The following THSD4 variants were observed in gnomAD, a reference collection of about 807,000 sequenced individuals.
The protein encoded by THSD4 is thrombospondin type 1 domain containing 4, also known as thrombospondin type-1 domain-containing protein 4.
THSD4 carries 69 observed loss-of-function variants against 119.0 expected under a neutral mutation model. That is an observed-to-expected ratio of 0.58 (90% CI 0.48 to 0.71). The LOEUF (loss-of-function observed/expected upper bound fraction) is 0.71, where lower values mean the gene tolerates loss of function less well. Among genes scored for constraint, THSD4 ranks in the 30% least tolerant of loss-of-function variants. The pLI, the probability that THSD4 is intolerant of heterozygous loss-of-function variation, is 0.00. For missense variants in THSD4, 1,393 were observed against 1,391.1 expected (o/e 1.00, Z -0.02); for synonymous variants, 524 against 540.4 (o/e 0.97, Z 0.42).
chr15:71,652,933 GTA>G (rs1255872907), intron 7 of THSD4, among the ~76,000 whole-genome samples: 1 of 152,122 alleles, frequency 6.6e-6, no homozygotes, highest in East Asian at 1.9e-4. Flanking sequence ...TTAATTTTGT[GTA>G]TATACAGCAA....
chr15:71,651,953 C>T (rs915397084), intron 7 of THSD4, among the ~76,000 whole-genome samples: 1 of 152,224 alleles, frequency 6.6e-6, no homozygotes, highest in South Asian at 2.1e-4. Context: ...CGTGAATCTC[C>T]ATCATTGCCT....
chr15:71,641,421 G>A (rs2050856233), intron 7 of THSD4, among the ~76,000 whole-genome samples: 2 of 151,992 alleles, frequency 1.3e-5, no homozygotes, highest in South Asian at 2.1e-4. Context: ...TTACACCATT[G>A]TTAACAACAA....
intron 5 of THSD4, among the ~76,000 whole-genome samples, chr15:71,245,275 A>T (rs892686366): frequency 6.6e-6 from 1 of 152,070 alleles, no homozygotes; most frequent in South Asian, 2.1e-4. Context: ...TTCCAAGTCC[A>T]CATCCTGCTT....
chr15:71,503,383 C>G (rs2048140157), intron 7 of THSD4, among the ~76,000 whole-genome samples: 2 of 152,086 alleles, frequency 1.3e-5, no homozygotes, highest in Non-Finnish European at 2.9e-5. Context: ...GGTTTTATTC[C>G]TCAGGGAGCA....
chr15:71,707,961 C>T lies in THSD4; in HGVS notation c.1358-20588C>T, dbSNP rs146721597. 3.4e-3 allele frequency among the ~76,000 whole-genome samples: 524 copies of T among 152,294 alleles called. 4 individuals carry two copies. The highest frequency in any genetic ancestry group is 0.012 in the African/African-American group (490 of 41,556). On this transcript the variant is annotated intron_variant, in intron 8 of 17. Transcript: ENST00000261862. ...TATATTCTTGGAGCCTCTTAAAATC[C>T]AGTTTGCTCTGGTTTTTGGTTCTGC... is the stretch of plus-strand genomic sequence containing the variant.
chr15:71,625,164 C>G (rs2050485152), intron 7 of THSD4, among the ~76,000 whole-genome samples: 1 of 152,074 alleles, frequency 6.6e-6, no homozygotes, highest in African/African-American at 2.4e-5. Context: ...GCACTACCAC[C>G]CCCCGGCTAA....
At chr15:71,776,700 T>A (rs921504221) in intron 17 of THSD4, among the ~76,000 whole-genome samples, 2 of 151,880 alleles carry the variant, frequency 1.3e-5, no homozygotes, top group African/African-American at 2.4e-5. Context: ...AAAAAAAAAA[T>A]TGGATTAATG....
chr15:71,648,068 G>A lies in THSD4; in HGVS notation c.1153-12462G>A, dbSNP rs546603018. Among the ~76,000 whole-genome samples the A allele has an allele frequency of 7.9e-5, 12 of 152,274 alleles. No individual in the cohort carries two copies. The East Asian group carries it at 2.1e-3, about 27-fold the overall frequency. ...GACAATACAACTAGCAGAGGAAAAA[G>A]ATCCTAGACTTCGGGGCCAGAAGGC... On this transcript the variant is annotated intron_variant, in intron 7 of 17. Transcript: ENST00000261862.
chr15:71,263,346 T>TATATATAC (rs937302953), intron 6 of THSD4, among the ~76,000 whole-genome samples: 9 of 150,764 alleles, frequency 6.0e-5, no homozygotes, highest in East Asian at 1.9e-4. Flanking sequence ...TATATATATA[T>TATATATAC]ACGACATTTT....
intron 6 of THSD4, among the ~76,000 whole-genome samples, chr15:71,318,334 G>C (rs906284368): frequency 6.6e-6 from 1 of 152,160 alleles, no homozygotes; most frequent in Non-Finnish European, 1.5e-5. Flanking sequence ...GACAGACAGA[G>C]AGCCAGGGAA....
chr15:71,417,506 A>T (rs982893264), intron 7 of THSD4, among the ~76,000 whole-genome samples: 1 of 107,190 alleles, frequency 9.3e-6, no homozygotes, highest in Non-Finnish European at 2.0e-5. Context: ...CCTTTTTCCA[A>T]TGTATGCTCT....
intron 6 of THSD4, among the ~76,000 whole-genome samples, chr15:71,270,288 A>G (rs1353373108): frequency 6.6e-6 from 1 of 152,248 alleles, no homozygotes; most frequent in East Asian, 1.9e-4. Flanking sequence ...GGCCTCAGAA[A>G]TAATGCCACA....
At chr15:71,184,140 G>A (rs2043571114) in intron 3 of THSD4, 1 of 151,756 alleles carries the variant, frequency 6.6e-6, no homozygotes, top group South Asian at 2.1e-4. Context: ...CATTCCTGCT[G>A]TTACACTGAG....
chr15:71,433,289 A>G (rs1595762309), intron 7 of THSD4, among the ~76,000 whole-genome samples: 1 of 151,068 alleles, frequency 6.6e-6, no homozygotes, highest in East Asian at 1.9e-4. Flanking sequence ...TATTTAACAT[A>G]ACATGACTTT....
At chr15:71,499,564 A>G (rs1417521619) in intron 7 of THSD4, among the ~76,000 whole-genome samples, 4 of 151,608 alleles carry the variant, frequency 2.6e-5, no homozygotes, top group African/African-American at 7.3e-5. Flanking sequence ...CAATAGTGTT[A>G]ATTACTGTAT....
At position 71,763,480 on chromosome 15, in the gene THSD4, G is replaced by A. The variant is rs140980297; in HGVS notation, c.2590-1540G>A. Among the ~76,000 whole-genome samples, 310 of 152,288 alleles carry A rather than the reference G, an allele frequency of 2.0e-3. 2 individuals carry two copies. Among genetic ancestry groups the A allele is most frequent in the African/African-American group, 6.9e-3 (286 of 41,536 alleles). ...AATCCCAGAACGATGGGAGGCCGAG[G>A]CAGGAGGATTGGTTGAGGCCAGGAG... On this transcript the variant is annotated intron_variant, in intron 15 of 17. Coordinates refer to ENST00000261862, the MANE Select transcript of THSD4 (RefSeq NM_024817.3).
chr15:71,585,522 C>G (rs1029553744), intron 7 of THSD4, among the ~76,000 whole-genome samples: 6 of 152,136 alleles, frequency 3.9e-5, no homozygotes, highest in African/African-American at 1.4e-4. Context: ...TTGTATTTGA[C>G]TTTTGACAAT....
At chr15:71,393,752 G>A (rs1295844036) in intron 6 of THSD4, among the ~76,000 whole-genome samples, 1 of 152,160 alleles carries the variant, frequency 6.6e-6, no homozygotes, top group Non-Finnish European at 1.5e-5. Flanking sequence ...AGGCACAGCA[G>A]GGAGGCATGA....
At chr15:71,389,810 G>GTTTTGTTTTTTTTTT (rs2046348747) in intron 6 of THSD4, among the ~76,000 whole-genome samples, 1 of 87,998 alleles carries the variant, frequency 1.1e-5, no homozygotes. Context: ...TTTCTGGGTT[G>GTTTTGTTTTTTTTTT]TTTTTTTTTT....
Sources: gnomAD v4.1 joint callset for allele counts (sites outside exome capture counted in the v4.1 genomes callset) on GRCh38, gnomAD v4.1.1 for gene constraint, MANE v1.5 for transcripts, NCBI Gene and HGNC (gene_info 2026-07-23, HGNC 2026-07-21) for gene names.